RFESD: variants seen among roughly 807,000 people sequenced by gnomAD.
RFESD encodes the protein Rieske Fe-S domain containing, also known as Rieske domain-containing protein.
In RFESD, 16 loss-of-function variants were observed where a neutral mutation model predicts 24.4. The ratio of observed to expected loss-of-function variants is 0.66; its 90% CI spans 0.44 to 1.00. The LOEUF (loss-of-function observed/expected upper bound fraction) is 1.00, where lower values mean the gene tolerates loss of function less well. RFESD is among the 50% of genes least tolerant of loss of function. The pLI is 0.00. For missense variants in RFESD, 208 were observed against 247.0 expected (o/e 0.84, Z 1.06); for synonymous variants, 59 against 81.8 (o/e 0.72, Z 1.50).
At chr5:95,653,625 G>A (rs920859479) in intron 3 of RFESD, among the ~76,000 whole-genome samples, 1 of 152,318 alleles carries the variant, frequency 6.6e-6, no homozygotes, top group South Asian at 2.1e-4. Flanking sequence ...ATGGCCGGGC[G>A]CAGTGGCTCA....
At chr5:95,648,688 T>C (rs1445726331) in intron 1 of RFESD, among the ~76,000 whole-genome samples, 1 of 152,160 alleles carries the variant, frequency 6.6e-6, no homozygotes, top group Non-Finnish European at 1.5e-5. Flanking sequence ...GCCCCAGTCT[T>C]CTCTGCTCCT....
intron 1 of RFESD, among the ~76,000 whole-genome samples, chr5:95,649,532 T>C (rs1324466933): frequency 6.6e-6 from 1 of 152,246 alleles, no homozygotes; most frequent in Non-Finnish European, 1.5e-5. Flanking sequence ...TATGTTTAAC[T>C]TTACTAGGTA....
intron 5 of RFESD, chr5:95,655,432 C>T (rs1358247125): frequency 1.3e-5 from 2 of 152,236 alleles, no homozygotes; most frequent in East Asian, 3.8e-4. Context: ...AGACCAGCAA[C>T]TTTGGTGTCA....
intron 3 of RFESD, 49 bp downstream of exon 3, chr5:95,653,263 T>C (rs1336211250): frequency 1.3e-6 from 2 of 1,549,372 alleles, no homozygotes; most frequent in South Asian, 1.2e-5. Flanking sequence ...CTTGCTGTAA[T>C]AGCTATCTGG....
intron 5 of RFESD, among the ~76,000 whole-genome samples, chr5:95,655,177 C>T (rs1426058446): frequency 1.3e-5 from 2 of 152,098 alleles, no homozygotes; most frequent in Non-Finnish European, 2.9e-5. Flanking sequence ...TCTATTTTTT[C>T]CCATTGTCCA....
rs911004676 is a variant in RFESD, at chr5:95,657,921, G to A, written c.*1612G>A. On this transcript the variant is annotated 3_prime_UTR_variant, in exon 6 of 6. Transcript: ENST00000380005. ...TATAAAGTGTACAGAAGAAATCAAA[G>A]TACTTTCTTCAGGCAAAAACTAGCC... The A allele has an allele frequency of 2.2e-5, 3 of 137,674 alleles. No individual in the cohort carries two copies. Among genetic ancestry groups the A allele is most frequent in the South Asian group, 2.3e-4 (1 of 4,388 alleles). 8.5% of individuals were successfully genotyped at this position (137,674 alleles called of 1,614,324 possible). A position where few individuals can be genotyped will look rare whatever the true frequency, so the allele number is the denominator to read the frequency against.
intron 1 of RFESD, chr5:95,647,201 G>C (rs948842145): frequency 1.3e-5 from 2 of 152,216 alleles, no homozygotes; most frequent in African/African-American, 2.4e-5. Context: ...TCGAGAATTT[G>C]CAGCACCTGG....
rs1450452607 is a variant in RFESD, at chr5:95,656,673, C to T, written c.*364C>T. 6.2e-6 allele frequency: 1 copy of T among 160,552 alleles called. No individual in the cohort carries two copies. The highest frequency in any genetic ancestry group is 2.4e-5 in the African/African-American group (1 of 41,410). 9.9% of individuals were successfully genotyped at this position (160,552 alleles called of 1,614,324 possible). ...TTTAATTTTTAAAATAGGAAAAAAT[C>T]CCTGTTTGATGTAGCAGACTTAATT... On this transcript the variant is annotated 3_prime_UTR_variant, in exon 6 of 6. Coordinates refer to ENST00000380005, the MANE Select transcript of RFESD (RefSeq NM_001131066.2).
rs533411810 is a variant in RFESD at position 95,649,513 on chromosome 5, G to C, written c.-135-2624G>C. ...TTTCTGTGGCATATACCCAAAGTGG[G>C]ATTATTATTATGTTTAACTTTACTA... On this transcript the variant is annotated intron_variant, in intron 1 of 5. Transcript: ENST00000380005. Among the ~76,000 whole-genome samples the C allele has an allele frequency of 2.0e-5, 3 of 152,148 alleles. No homozygotes were observed. In the East Asian group the frequency reaches 5.8e-4, roughly 29 times the overall value.
Position 95,652,200 on chromosome 5 carries a change from A to C in RFESD, c.-72A>C. On this transcript the variant is annotated 5_prime_UTR_variant, in exon 2 of 6. Coordinates refer to ENST00000380005, the MANE Select transcript of RFESD (RefSeq NM_001131066.2). ...GAGAAGAAAGCTGTGAATGAATTTC[A>C]TTTGATTAGCAATAGATTGGACACT... The C allele has an allele frequency of 6.7e-7, 1 of 1,486,612 alleles. No individual in the cohort carries two copies. The highest frequency in any genetic ancestry group is 2.5e-5 in the East Asian group (1 of 39,826). The allele number at this position is 1,486,612 out of a possible 1,614,324, so 92.1% of individuals were successfully genotyped here. A position where few individuals can be genotyped will look rare whatever the true frequency, so the allele number is the denominator to read the frequency against.
At chr5:95,654,733 A>T (rs1750624047) in intron 5 of RFESD, among the ~76,000 whole-genome samples, 1 of 152,208 alleles carries the variant, frequency 6.6e-6, no homozygotes, top group South Asian at 2.1e-4. Flanking sequence ...AATAAGGCAG[A>T]TCTATATGGG....
chr5:95,649,385 G>T (rs897592637), intron 1 of RFESD, among the ~76,000 whole-genome samples: 9 of 152,150 alleles, frequency 5.9e-5, no homozygotes, highest in Non-Finnish European at 1.3e-4. Context: ...TCCATTGAAT[G>T]AACATACACA....
At chr5:95,654,527 C>G (rs561510283) in intron 5 of RFESD, among the ~76,000 whole-genome samples, 160 bp downstream of exon 5, 1 of 152,212 alleles carries the variant, frequency 6.6e-6, no homozygotes, top group African/African-American at 2.4e-5. Flanking sequence ...TTTGACCTAG[C>G]AATTATACTC....
chr5:95,656,614 G>T lies in RFESD; in HGVS notation c.*305G>T. The T allele has an allele frequency of 5.5e-6, 1 of 180,188 alleles. No individual in the cohort carries two copies. The highest frequency in any genetic ancestry group is 1.1e-5 in the Non-Finnish European group (1 of 87,520). The allele number at this position is 180,188 out of a possible 1,614,324, so 11.2% of individuals were successfully genotyped here. A position where few individuals can be genotyped will look rare whatever the true frequency, so the allele number is the denominator to read the frequency against. On this transcript the variant is annotated 3_prime_UTR_variant, in exon 6 of 6. Transcript: ENST00000380005. The stretch of plus-strand genomic sequence containing the variant: ...TAAACAAATAATAGGTAAAAATTAA[G>T]GATTAGTAAGAAAAAATTTTTTAAT...
At chr5:95,652,951 T>C in intron 2 of RFESD, 166 bp from the exon 3 acceptor site, 1 of 888,106 alleles carries the variant, frequency 1.1e-6, no homozygotes, top group Non-Finnish European at 1.7e-6. Context: ...TCCTGCTTTA[T>C]ACTCTTCAGT....
intron 2 of RFESD, 109 bp downstream of exon 2, chr5:95,652,440 G>C: frequency 7.2e-7 from 1 of 1,390,872 alleles, no homozygotes; most frequent in East Asian, 2.5e-5. Context: ...CTACTTGGAT[G>C]TCTCTGAGAT....
intron 2 of RFESD, 145 bp downstream of exon 2, chr5:95,652,476 A>T: frequency 9.9e-7 from 1 of 1,010,516 alleles, no homozygotes; most frequent in Non-Finnish European, 1.3e-6. Context: ...TGTGTAAAAT[A>T]TATATAGCTC....
Position 95,657,627 on chromosome 5 carries a change from G to A in RFESD, c.*1318G>A, listed in dbSNP as rs1750840111. The A allele has an allele frequency of 6.6e-6, 1 of 152,024 alleles. No individual in the cohort carries two copies. Among genetic ancestry groups the A allele is most frequent in the Non-Finnish European group, 1.5e-5 (1 of 68,000 alleles). The allele number at this position is 152,024 out of a possible 1,614,324, so 9.4% of individuals were successfully genotyped here. ...ATTATAAAAATAGTAAATGAGTAAG[G>A]TCCGTATAGTAAAGACTCTGCTTAC... On this transcript the variant is annotated 3_prime_UTR_variant, in exon 6 of 6. Transcript: ENST00000380005.
chr5:95,650,404 T>C (rs1182513755), intron 1 of RFESD, among the ~76,000 whole-genome samples: 2 of 152,182 alleles, frequency 1.3e-5, no homozygotes, highest in Non-Finnish European at 2.9e-5. Context: ...CATATCTCTC[T>C]ACCTACACCT....
Sources: gnomAD v4.1 joint callset for allele counts (sites outside exome capture counted in the v4.1 genomes callset) on GRCh38, gnomAD v4.1.1 for gene constraint, MANE v1.5 for transcripts, NCBI Gene and HGNC (gene_info 2026-07-23, HGNC 2026-07-21) for gene names.